TYK2: variants seen among roughly 807,000 people sequenced by gnomAD.
TYK2 encodes tyrosine kinase 2.
TYK2 carries 65 observed loss-of-function variants against 130.9 expected under a neutral mutation model. That is an observed-to-expected ratio of 0.50 (90% CI 0.41 to 0.61). The LOEUF (loss-of-function observed/expected upper bound fraction) is 0.61. Ranked by LOEUF, TYK2 falls within the 20% of genes least tolerant of loss-of-function variation. TYK2 has a pLI of 0.00. For missense variants in TYK2, 1,378 were observed against 1,610.7 expected (o/e 0.86, Z 2.47); for synonymous variants, 647 against 658.9 (o/e 0.98, Z 0.28).
intron 7 of TYK2, 102 bp from the exon 8 acceptor site, chr19:10,365,150 C>A (rs1473914985): frequency 4.7e-5 from 64 of 1,353,108 alleles, no homozygotes; most frequent in Non-Finnish European, 6.2e-5. Context: ...GGGCCAGGCA[C>A]CAACCTAGGT....
rs573966716 is a variant in TYK2 at position 10,354,361 on chromosome 19, T to C, written c.2716-127A>G. On this transcript the variant is annotated intron_variant, in intron 19 of 24. Coordinates refer to ENST00000525621, the MANE Select transcript of TYK2 (RefSeq NM_003331.5). ...ATACCCCAGGCCCCGCCTACTCCGC[T>C]CTATTAAGACTCCTTGGCACCTAGG... 112 of 1,365,840 alleles carry C rather than the reference T, an allele frequency of 8.2e-5. 1 individual carries two copies. The Middle Eastern group carries it at 2.8e-3, about 35-fold the overall frequency. The allele number at this position is 1,365,840 out of a possible 1,614,324, so 84.6% of individuals were successfully genotyped here. A position where few individuals can be genotyped will look rare whatever the true frequency, so the allele number is the denominator to read the frequency against.
At position 10,350,798 on chromosome 19, in the gene TYK2, T is replaced by C; in HGVS notation, c.*36A>G. The C allele has an allele frequency of 1.2e-6, 2 of 1,611,654 alleles. No individual in the cohort carries two copies. The highest frequency in any genetic ancestry group is 1.7e-6 in the Non-Finnish European group (2 of 1,179,744). On this transcript the variant is annotated 3_prime_UTR_variant, in exon 25 of 25. Transcript: ENST00000525621. ...GGAGGCTCCCTCTGCAGCCACTGCC[T>C]GGTCCAGTCCTCCCAGGCAGGGCTG...
In TYK2 at chr19:10,365,690, G is replaced by C; in HGVS notation, c.838C>G (p.Leu280Val). 1 of 1,613,334 alleles carries C rather than the reference G, an allele frequency of 6.2e-7. No individual in the cohort carries two copies. The highest frequency in any genetic ancestry group is 8.5e-7 in the Non-Finnish European group (1 of 1,179,878). ...CCCTCGGCCTGGGCCAGCAGCCTCA[G>C]GTGGCACACGGGCACACGCTCTGTG... ...FGTERVPVCHLRLLAQAEGEP... is the reference protein window; with the variant it reads ...FGTERVPVCHVRLLAQAEGEP... The change falls in exon 7 of 25, where the codon CTG (leucine) becomes GTG (valine). Residue 280 changes from leucine (L) to valine (V), a missense_variant. By Grantham distance (32) the Leu-to-Val change is conservative. Transcript: ENST00000525621.
chr19:10,377,400 G>GTGGATGGA (rs766675211), intron 3 of TYK2, among the ~76,000 whole-genome samples: 2,705 of 105,364 alleles, frequency 0.026, 88 homozygotes, highest in African/African-American at 0.07. Flanking sequence ...GGGTGGGTGG[G>GTGGATGGA]TGGATGGATG....
chr19:10,353,433 G>C lies in TYK2; in HGVS notation c.3027+95C>G. On this transcript the variant is annotated intron_variant, in intron 21 of 24. Transcript: ENST00000525621. The surrounding 1 kb of genome is among the most constrained non-coding windows in gnomAD (Gnocchi z 6.9). ...AGACAGCCTGGGCAAACGAGCAGGG[G>C]CGGAGCGTGAGAGCAGACTGCACCG... 1.1e-6 allele frequency: 1 copy of C among 877,362 alleles called. No individual in the cohort carries two copies. The highest frequency in any genetic ancestry group is 1.7e-6 in the Non-Finnish European group (1 of 598,216). 54.3% of individuals were successfully genotyped at this position (877,362 alleles called of 1,614,324 possible). A position where few individuals can be genotyped will look rare whatever the true frequency, so the allele number is the denominator to read the frequency against.
At chr19:10,377,612 A>AGGGGGAG (rs1568346624) in intron 3 of TYK2, among the ~76,000 whole-genome samples, 1 of 11,658 alleles carries the variant, frequency 8.6e-5, no homozygotes, top group Non-Finnish European at 1.8e-4. Flanking sequence ...GGATGGGTGG[A>AGGGGGAG]TGGATGGGTG....
rs543179873 is a variant in TYK2, at chr19:10,360,506, A to G, written c.2047+1005T>C. ...AGGGAGACCCTAGTCTCACAAAAAAAGAGATAAAGGTGAGCCTACAAAGTA... is the reference window on the plus strand; with the variant it reads ...AGGGAGACCCTAGTCTCACAAAAAAGGAGATAAAGGTGAGCCTACAAAGTA... On this transcript the variant is annotated intron_variant, in intron 14 of 24. Coordinates refer to ENST00000525621, the MANE Select transcript of TYK2 (RefSeq NM_003331.5). 2.6e-5 allele frequency among the ~76,000 whole-genome samples: 4 copies of G among 152,176 alleles called. No homozygotes were observed. In the South Asian group the frequency reaches 8.3e-4, roughly 32 times the overall value.
At chr19:10,351,757 G>C (rs2040811758) in intron 23 of TYK2, among the ~76,000 whole-genome samples, 1 of 151,172 alleles carries the variant, frequency 6.6e-6, no homozygotes, top group Non-Finnish European at 1.5e-5. Flanking sequence ...TTTTTTTTTT[G>C]AGACAGTCTC....
In TYK2 at chr19:10,359,295, CATG is replaced by C. The variant is rs750595500; in HGVS notation, c.2052_2054del (p.Ile684del). On this transcript the variant is annotated inframe_deletion, in exon 15 of 25. Coordinates refer to ENST00000525621, the MANE Select transcript of TYK2 (RefSeq NM_003331.5). ...GTCCGTGCTCCACGTACTCTGTCAC[CATG>C]ATATCTGTAAAGACACAGCTGCTCT... 1 of 1,611,336 alleles carries C rather than the reference CATG, an allele frequency of 6.2e-7. No homozygotes were observed. The highest frequency in any genetic ancestry group is 1.1e-5 in the South Asian group (1 of 91,026).
At chr19:10,366,766 C>T (rs200465037) in intron 5 of TYK2, among the ~76,000 whole-genome samples, 186 bp from the exon 6 acceptor site, 3 of 151,528 alleles carry the variant, frequency 2.0e-5, no homozygotes, top group Non-Finnish European at 2.9e-5. Context: ...TATCGCAAGC[C>T]GGGCATGGTG....
Position 10,365,714 on chromosome 19 carries a change from T to C in TYK2, c.814A>G (p.Thr272Ala). 1 of 1,613,026 alleles carries C rather than the reference T, an allele frequency of 6.2e-7. No individual in the cohort carries two copies. The highest frequency in any genetic ancestry group is 1.3e-5 in the African/African-American group (1 of 75,058). Reference sequence around the variant, plus strand: ...AGGTGGCACACGGGCACACGCTCTGTGCCGAAGCGGGGTGCCAGCCGCTCG... The same window carrying C: ...AGGTGGCACACGGGCACACGCTCTGCGCCGAAGCGGGGTGCCAGCCGCTCG... ...TLERLAPRFG[T>A]ERVPVCHLRL... Residue 272 changes from threonine (T) to alanine (A), a missense_variant, in exon 7 of 25, where the codon ACA becomes GCA. Thr to Ala is a moderately conservative substitution (Grantham distance 58, BLOSUM62 0). Coordinates refer to ENST00000525621, the MANE Select transcript of TYK2 (RefSeq NM_003331.5).
chr19:10,373,591 A>G (rs2042003355), intron 3 of TYK2, among the ~76,000 whole-genome samples: 1 of 152,042 alleles, frequency 6.6e-6, no homozygotes, highest in South Asian at 2.1e-4. Flanking sequence ...TCAGCCTCCC[A>G]AAGTGCTGGG....
chr19:10,352,799 C>T (rs2040878341), intron 22 of TYK2, 127 bp downstream of exon 22: 1 of 1,284,052 alleles, frequency 7.8e-7, no homozygotes. Context: ...GCCCCACCCC[C>T]GCACCGCTAG....
chr19:10,363,083 C>T (rs918065326), intron 9 of TYK2, among the ~76,000 whole-genome samples: 1 of 152,014 alleles, frequency 6.6e-6, no homozygotes, highest in African/African-American at 2.4e-5. Flanking sequence ...ACCATGTTAG[C>T]CAGCCTGGTC....
At chr19:10,355,690 G>A (rs1313407429) in intron 18 of TYK2, among the ~76,000 whole-genome samples, 1 of 150,934 alleles carries the variant, frequency 6.6e-6, no homozygotes, top group Non-Finnish European at 1.5e-5. Flanking sequence ...TAGGTCAGGC[G>A]CAGTGGCTCA....
In TYK2 at chr19:10,357,789, G is replaced by C. The variant is rs143743593; in HGVS notation, c.2441C>G (p.Pro814Arg). 1.2e-6 allele frequency: 2 copies of C among 1,612,808 alleles called. No individual in the cohort carries two copies. Among genetic ancestry groups the C allele is most frequent in the Middle Eastern group, 1.6e-4 (1 of 6,062 alleles). Reference protein sequence around the residue: ...LLEICFDGEAPLQSRSPSEKE... With the variant: ...LLEICFDGEARLQSRSPSEKE... The stretch of plus-strand genomic sequence containing the variant: ...CTCGGAGGGACTGCGGCTCTGCAGA[G>C]GGGCCTCTCCGTCAAAGCAGATCTC... The change falls in exon 17 of 25, where the codon CCT becomes CGT. Residue 814 changes from proline to arginine, a missense_variant. Transcript: ENST00000525621.
intron 3 of TYK2, among the ~76,000 whole-genome samples, chr19:10,375,129 A>G (rs551303938): frequency 6.6e-5 from 10 of 151,994 alleles, no homozygotes; most frequent in African/African-American, 2.2e-4. Context: ...TGATTGCACC[A>G]CTGCATTTCA....
chr19:10,377,590 G>A (rs1341429428), intron 3 of TYK2, among the ~76,000 whole-genome samples: 23 of 98,492 alleles, frequency 2.3e-4, no homozygotes, highest in Non-Finnish European at 3.0e-4. Context: ...ATGGATGGAT[G>A]GATGAATGGA....
Position 10,378,386 on chromosome 19 carries a change from C to A in TYK2, c.21G>T (p.Gly7=). 1 of 1,611,290 alleles carries A rather than the reference C, an allele frequency of 6.2e-7. No individual in the cohort carries two copies. Among genetic ancestry groups the A allele is most frequent in the Non-Finnish European group, 8.5e-7 (1 of 1,179,852 alleles). Residue 7 remains glycine, a synonymous_variant, in exon 3 of 25, where the codon GGG becomes GGT. Coordinates refer to ENST00000525621, the MANE Select transcript of TYK2 (RefSeq NM_003331.5). Reference sequence around the variant, plus strand: ...CAACGGGCTTACTGCCCCTGGCCATCCCCCAGTGGCGCAGAGGCATGCTCC... The same window carrying A: ...CAACGGGCTTACTGCCCCTGGCCATACCCCAGTGGCGCAGAGGCATGCTCC... The part of the protein sequence containing the change: MPLRHW[G]MARGSKPVGD...
Sources: allele counts gnomAD v4.1 joint callset (sites outside exome capture counted in the v4.1 genomes callset), GRCh38; gene constraint gnomAD v4.1.1; non-coding constraint Gnocchi (gnomAD v3.1); transcripts MANE v1.5; gene names NCBI Gene and HGNC (gene_info 2026-07-23, HGNC 2026-07-21).